Variants in ERBIN observed in about 807,000 individuals in gnomAD.
ERBIN encodes the protein erbb2 interacting protein.
In ERBIN, 60 loss-of-function variants were observed where a neutral mutation model predicts 158.4. The observed-to-expected ratio is 0.38, with a 90% confidence interval of 0.31 to 0.47. The LOEUF (loss-of-function observed/expected upper bound fraction) is 0.47, where lower values mean the gene tolerates loss of function less well. Among genes scored for constraint, ERBIN ranks in the 20% least tolerant of loss-of-function variants. The probability of loss-of-function intolerance (pLI) is 0.99; values close to 1 mark genes in which losing one functional copy is unlikely to be tolerated. For missense variants in ERBIN, 1,610 were observed against 1,648.0 expected (o/e 0.98, Z 0.40); for synonymous variants, 594 against 557.2 (o/e 1.07, Z -0.93).
At chr5:66,049,446 C>G (rs533562700) in intron 19 of ERBIN, among the ~76,000 whole-genome samples, 16 of 152,084 alleles carry the variant, frequency 1.1e-4, no homozygotes, top group African/African-American at 3.9e-4. Flanking sequence ...AGTAGTGATA[C>G]CTAGAATTTG....
chr5:66,081,075 G>A lies in ERBIN; in HGVS notation c.*2545G>A, dbSNP rs534913215. ...TATTGTTGAGTAAATTGTAGTTAAG[G>A]CCTATACCCATAACTAACTTTAGTA... On this transcript the variant is annotated 3_prime_UTR_variant, in exon 26 of 26. Coordinates refer to ENST00000284037, the MANE Select transcript of ERBIN (RefSeq NM_001253697.2). The A allele has an allele frequency of 1.3e-4, 20 of 151,820 alleles. No individual in the cohort carries two copies. The South Asian group carries it at 4.2e-3, about 32-fold the overall frequency. 9.4% of individuals were successfully genotyped at this position (151,820 alleles called of 1,614,324 possible). A position where few individuals can be genotyped will look rare whatever the true frequency, so the allele number is the denominator to read the frequency against.
At chr5:65,983,181 G>C (rs1401989802) in intron 1 of ERBIN, among the ~76,000 whole-genome samples, 1 of 152,106 alleles carries the variant, frequency 6.6e-6, no homozygotes. Flanking sequence ...TTTTAACACT[G>C]TTCATATTGA....
chr5:65,933,033 T>C (rs1458098324), intron 1 of ERBIN, among the ~76,000 whole-genome samples: 1 of 152,186 alleles, frequency 6.6e-6, no homozygotes, highest in African/African-American at 2.4e-5. Flanking sequence ...CCTCAAGCAG[T>C]CCTCCCTCCT....
chr5:65,931,197 G>A (rs1743335241), intron 1 of ERBIN, among the ~76,000 whole-genome samples: 1 of 152,210 alleles, frequency 6.6e-6, no homozygotes, highest in South Asian at 2.1e-4. Flanking sequence ...AGAGTCTGGG[G>A]ACTTCACTTT....
chr5:66,050,869 A>T lies in ERBIN; in HGVS notation c.1990A>T (p.Met664Leu), dbSNP rs763591048. 1 of 1,604,528 alleles carries T rather than the reference A, an allele frequency of 6.2e-7. No homozygotes were observed. Among genetic ancestry groups the T allele is most frequent in the Admixed American group, 1.7e-5 (1 of 58,086 alleles). The change falls in exon 20 of 26, where the codon ATG (methionine) becomes TTG (leucine). Residue 664 changes from methionine (M) to leucine (L), a missense_variant. Around this residue, in one of 2 missense-constraint regions of ERBIN, gnomAD observed 1,014 missense variants for 936.1 expected, o/e 1.08. Transcript: ENST00000284037. The part of the protein sequence containing the change: ...NNSNCSSPSR[M>L]SDSVSLNTDS... ...CAGCAATTGTTCTTCTCCATCTCGG[A>T]TGTCTGATTCAGTTTCTCTTAATAC...
intron 4 of ERBIN, among the ~76,000 whole-genome samples, chr5:66,003,493 G>C (rs1447260316): frequency 6.6e-6 from 1 of 152,160 alleles, no homozygotes; most frequent in Admixed American, 6.5e-5. Context: ...CTATAGAGAA[G>C]TTGATTAGAG....
At chr5:65,953,246 A>T (rs987019607) in intron 1 of ERBIN, among the ~76,000 whole-genome samples, 2 of 152,222 alleles carry the variant, frequency 1.3e-5, no homozygotes, top group African/African-American at 4.8e-5. Context: ...AAGGATACAC[A>T]GTCTAGTTGG....
chr5:66,000,784 C>G (rs1486657675), intron 4 of ERBIN, among the ~76,000 whole-genome samples: 7 of 152,066 alleles, frequency 4.6e-5, no homozygotes, highest in African/African-American at 1.7e-4. Flanking sequence ...CTAAGTGAAA[C>G]TTCACTTCAT....
chr5:66,061,874 C>T (rs1760412440), intron 21 of ERBIN, among the ~76,000 whole-genome samples: 2 of 152,176 alleles, frequency 1.3e-5, no homozygotes, highest in Admixed American at 1.3e-4. Flanking sequence ...TATTGGCCCC[C>T]ACTCTCTTCT....
chr5:65,928,187 T>C (rs1742908554), intron 1 of ERBIN, among the ~76,000 whole-genome samples: 1 of 151,134 alleles, frequency 6.6e-6, no homozygotes, highest in African/African-American at 2.4e-5. Context: ...GGCAGTCCTT[T>C]ATTTATTACT....
chr5:66,068,616 C>T lies in ERBIN; in HGVS notation c.3634-3553C>T, dbSNP rs1031834355. Among the ~76,000 whole-genome samples the T allele has an allele frequency of 2.6e-5, 4 of 152,220 alleles. No homozygotes were observed. In the South Asian group the frequency reaches 8.3e-4, roughly 32 times the overall value. ...TGTTAGGAGTAAAGGAAATAGCATT[C>T]TAAAAGCAGTTATATGTCTGTACTT... On this transcript the variant is annotated intron_variant, in intron 21 of 25. Coordinates refer to ENST00000284037, the MANE Select transcript of ERBIN (RefSeq NM_001253697.2).
rs533186156 is a variant in ERBIN, at chr5:65,946,194, G to A, written c.-58+19388G>A. On this transcript the variant is annotated intron_variant, in intron 1 of 25. Transcript: ENST00000284037. ...AGCCTGGGCAACATGATGAAACATC[G>A]TCTCTACAAAAATACAAAAATCAGG... 1.1e-3 allele frequency among the ~76,000 whole-genome samples: 171 copies of A among 152,060 alleles called. 1 individual carries two copies. Among genetic ancestry groups the A allele is most frequent in the East Asian group, 9.7e-4 (5 of 5,162 alleles).
intron 24 of ERBIN, 59 bp from the exon 25 acceptor site, chr5:66,076,816 T>C (rs1286061947): frequency 7.7e-7 from 1 of 1,292,242 alleles, no homozygotes. Context: ...AATTGCTCCT[T>C]GGTACTCTGT....
Position 66,046,418 on chromosome 5 carries a change from C to T in ERBIN, c.1668C>T (p.Asn556=), listed in dbSNP as rs146214648. Residue 556 remains asparagine, a synonymous_variant, in exon 18 of 26, where the codon AAC becomes AAT. Coordinates refer to ENST00000284037, the MANE Select transcript of ERBIN (RefSeq NM_001253697.2). ...AAAGAGAAAAATATATGATAGGAAA[C>T]TCTGTACAGAAGATCAGTGAACCTG... ...VDEREKYMIG[N]SVQKISEPEA... 2 of 1,609,550 alleles carry T rather than the reference C, an allele frequency of 1.2e-6. No homozygotes were observed. Among genetic ancestry groups the T allele is most frequent in the East Asian group, 2.2e-5 (1 of 44,788 alleles).
intron 1 of ERBIN, among the ~76,000 whole-genome samples, chr5:65,957,985 T>C: frequency 7.1e-6 from 1 of 141,510 alleles, no homozygotes; most frequent in Non-Finnish European, 1.5e-5. Context: ...CCAGACGGGG[T>C]CGCGGCCGGG....
At chr5:66,074,551 C>T (rs27075) in intron 22 of ERBIN, among the ~76,000 whole-genome samples, 26,829 of 152,082 alleles carry the variant, frequency 0.18, 2,923 homozygotes, top group East Asian at 0.46. Context: ...AATTTTACCA[C>T]AAAATTAGTT....
At position 66,025,502 on chromosome 5, in the gene ERBIN, G is replaced by C. The variant is rs777537857; in HGVS notation, c.840G>C (p.Thr280=). 1 of 1,611,986 alleles carries C rather than the reference G, an allele frequency of 6.2e-7. No individual in the cohort carries two copies. ...TAGGTTCGTTGAAGAATATAACAAC[G>C]CTTAAAATAGATGAAAACCAGTTAA... ...ETIGSLKNIT[T]LKIDENQLMY... is the part of the protein sequence containing the mutation. Residue 280 remains threonine, a synonymous_variant, in exon 11 of 26, where the codon ACG becomes ACC. Coordinates refer to ENST00000284037, the MANE Select transcript of ERBIN (RefSeq NM_001253697.2).
intron 4 of ERBIN, among the ~76,000 whole-genome samples, chr5:65,998,742 A>G (rs1001208885): frequency 5.3e-5 from 8 of 151,944 alleles, no homozygotes; most frequent in Admixed American, 4.6e-4. Flanking sequence ...ACAAAAAATC[A>G]TAAACTTAGC....
intron 1 of ERBIN, among the ~76,000 whole-genome samples, chr5:65,965,526 T>C (rs1748503768): frequency 6.6e-6 from 1 of 151,710 alleles, no homozygotes; most frequent in African/African-American, 2.4e-5. Context: ...TGTCTCAGCC[T>C]CTCAGGTAGC....
Sources: gnomAD v4.1 joint callset for allele counts (sites outside exome capture counted in the v4.1 genomes callset) on GRCh38, gnomAD v4.1.1 for gene constraint, gnomAD v4.1.1 regional missense constraint, MANE v1.5 for transcripts, NCBI Gene and HGNC (gene_info 2026-07-23, HGNC 2026-07-21) for gene names.